Variants in GPHN observed in about 807,000 individuals in gnomAD.
GPHN encodes the protein gephyrin.
Under a neutral mutation model 95.5 loss-of-function variants are expected in GPHN, and 17 were observed. The ratio of observed to expected loss-of-function variants is 0.18; its 90% CI spans 0.12 to 0.27. The LOEUF (loss-of-function observed/expected upper bound fraction) is 0.27. Among genes scored for constraint, GPHN ranks in the 10% least tolerant of loss-of-function variants. The pLI is 1.00. For missense variants in GPHN, 660 were observed against 978.1 expected (o/e 0.67, Z 4.34); for synonymous variants, 320 against 322.5 (o/e 0.99, Z 0.08).
chr14:66,813,647 G>T (rs72728671), intron 3 of GPHN, among the ~76,000 whole-genome samples: 347 of 152,346 alleles, frequency 2.3e-3, no homozygotes, highest in Non-Finnish European at 3.2e-3. Flanking sequence ...AGCCCAGAGG[G>T]TTTGGTGCAG....
intron 1 of GPHN, among the ~76,000 whole-genome samples, chr14:66,630,662 C>T (rs1459436660): frequency 2.6e-5 from 4 of 151,956 alleles, no homozygotes; most frequent in African/African-American, 4.8e-5. Flanking sequence ...TTAGTGGAAA[C>T]GGAGTTTCAC....
chr14:66,622,869 C>T (rs530854143), intron 1 of GPHN, among the ~76,000 whole-genome samples: 1 of 152,290 alleles, frequency 6.6e-6, no homozygotes, highest in East Asian at 1.9e-4. Flanking sequence ...CCAAACTTTC[C>T]CAGATTTTCC....
the GPHN span, among the ~76,000 whole-genome samples, chr14:67,357,808 G>C: frequency 6.6e-6 from 1 of 152,188 alleles, no homozygotes; most frequent in South Asian, 2.1e-4. Flanking sequence ...GTGTTGGTCA[G>C]TGTAAACGCC....
the GPHN span, among the ~76,000 whole-genome samples, chr14:67,553,158 C>A: frequency 6.6e-6 from 1 of 152,156 alleles, no homozygotes; most frequent in Non-Finnish European, 1.5e-5. Context: ...ATCAGCCAAT[C>A]GTTTCAGAAT....
chr14:67,103,010 T>G (rs1408475973), intron 13 of GPHN, among the ~76,000 whole-genome samples: 1 of 152,218 alleles, frequency 6.6e-6, no homozygotes. Flanking sequence ...TTCTTTTTTA[T>G]AAATGACTTG....
chr14:67,212,600 T>A, the GPHN span, among the ~76,000 whole-genome samples: 65,692 of 113,644 alleles, frequency 0.58, 17,301 homozygotes, highest in Non-Finnish European at 0.69. Flanking sequence ...AAAAAAAAAA[T>A]ATATATATAT....
chr14:67,727,413 A>G, the GPHN span: 1 of 548,120 alleles, frequency 1.8e-6, no homozygotes, highest in Non-Finnish European at 3.3e-6. Context: ...TATTTGTGTC[A>G]CATCTTATCT....
chr14:67,712,959 T>C, the GPHN span, among the ~76,000 whole-genome samples: 1 of 152,138 alleles, frequency 6.6e-6, no homozygotes, highest in Admixed American at 6.5e-5. Context: ...TGTGTGGGAA[T>C]TTAACCACTT....
chr14:67,325,191 C>T, the GPHN span, among the ~76,000 whole-genome samples: 11 of 152,130 alleles, frequency 7.2e-5, no homozygotes, highest in Non-Finnish European at 1.3e-4. Flanking sequence ...AGGCGTGAGC[C>T]ACCAGGCCCA....
At chr14:67,624,967 TGGCA>T in the GPHN span, among the ~76,000 whole-genome samples, 1 of 152,218 alleles carries the variant, frequency 6.6e-6, no homozygotes, top group Non-Finnish European at 1.5e-5. Flanking sequence ...ACCAGGAGGC[TGGCA>T]GTTACTGCAA....
At chr14:66,731,243 C>T (rs1231105619) in intron 2 of GPHN, among the ~76,000 whole-genome samples, 1 of 152,170 alleles carries the variant, frequency 6.6e-6, no homozygotes, top group Admixed American at 6.5e-5. Context: ...GAGTGAGGTA[C>T]TGCTATAGAG....
At chr14:67,280,206 C>T in the GPHN span, among the ~76,000 whole-genome samples, 1,886 of 152,262 alleles carry the variant, frequency 0.012, 37 homozygotes, top group African/African-American at 0.041. Context: ...TGTGAATCTA[C>T]AAGAGAGATT....
intron 14 of GPHN, among the ~76,000 whole-genome samples, chr14:67,111,282 C>T (rs1304616247): frequency 6.6e-6 from 1 of 152,196 alleles, no homozygotes; most frequent in Non-Finnish European, 1.5e-5. Context: ...TTCCAGAACA[C>T]ATACATCCAC....
chr14:67,377,611 C>T, the GPHN span, among the ~76,000 whole-genome samples: 1 of 152,182 alleles, frequency 6.6e-6, no homozygotes, highest in Non-Finnish European at 1.5e-5. Context: ...CCTAATTGCT[C>T]TCAAACTAGT....
chr14:67,024,307 T>C (rs929467582), intron 10 of GPHN, among the ~76,000 whole-genome samples: 1 of 152,152 alleles, frequency 6.6e-6, no homozygotes. Flanking sequence ...ACATTGAAAA[T>C]CGTGTCTTAA....
chr14:67,360,731 G>T, the GPHN span: 1 of 152,532 alleles, frequency 6.6e-6, no homozygotes, highest in African/African-American at 2.4e-5. Context: ...ACAATATGCC[G>T]AAAGTGAGAA....
the GPHN span, chr14:67,312,318 C>A: frequency 2.8e-6 from 1 of 351,380 alleles, no homozygotes; most frequent in Non-Finnish European, 5.0e-6. Context: ...TGGCTCACAC[C>A]TATAATCCCA....
the GPHN span, among the ~76,000 whole-genome samples, chr14:67,532,020 T>C: frequency 6.6e-6 from 1 of 151,896 alleles, no homozygotes; most frequent in Non-Finnish European, 1.5e-5. Flanking sequence ...TTGAAGTGGA[T>C]AGCCTGAGCA....
the GPHN span, among the ~76,000 whole-genome samples, chr14:67,207,037 G>A: frequency 3.3e-5 from 5 of 151,980 alleles, no homozygotes; most frequent in African/African-American, 9.7e-5. Context: ...TTCCAAATAC[G>A]CTATAATAAA....
Sources: gnomAD v4.1 joint callset for allele counts (sites outside exome capture counted in the v4.1 genomes callset) on GRCh38, gnomAD v4.1.1 for gene constraint, MANE v1.5 for transcripts, NCBI Gene and HGNC (gene_info 2026-07-23, HGNC 2026-07-21) for gene names.